The following MYBL1 variants were observed in gnomAD, a reference collection of about 807,000 sequenced individuals.
MYBL1 encodes MYB proto-oncogene like 1.
A neutral mutation model predicts 96.3 loss-of-function variants in MYBL1; 17 were observed. The observed-to-expected ratio is 0.18, with a 90% CI of 0.12 to 0.26. The LOEUF (loss-of-function observed/expected upper bound fraction) is 0.26. Ranked by LOEUF, MYBL1 falls within the 10% of genes least tolerant of loss-of-function variation. MYBL1 has a pLI of 1.00. For missense variants in MYBL1, 701 were observed against 882.9 expected (o/e 0.79, Z 2.61); for synonymous variants, 282 against 292.7 (o/e 0.96, Z 0.37).
chr8:66,566,582 C>T (rs1808511948), intron 14 of MYBL1, 102 bp downstream of exon 14: 6 of 709,992 alleles, frequency 8.5e-6, no homozygotes, highest in Non-Finnish European at 1.3e-5. Context: ...AAAAATTCTC[C>T]ATGAATTTCT....
At chr8:66,597,255 G>C in intron 5 of MYBL1, 75 bp downstream of exon 5, 1 of 1,060,196 alleles carries the variant, frequency 9.4e-7, no homozygotes, top group African/African-American at 1.6e-5. Context: ...TCGGGGACTT[G>C]CAAATGTATT....
intron 3 of MYBL1, among the ~76,000 whole-genome samples, chr8:66,601,132 GTGCCAT>G (rs1221137257): frequency 1.4e-5 from 2 of 140,978 alleles, no homozygotes; most frequent in East Asian, 4.2e-4. Flanking sequence ...AGCCGAGATC[GTGCCAT>G]TGCCCTCCAG....
intron 3 of MYBL1, 68 bp downstream of exon 3, chr8:66,601,630 A>C (rs898651762): frequency 1.1e-6 from 1 of 917,974 alleles, no homozygotes; most frequent in Non-Finnish European, 1.7e-6. Context: ...ACATTTTTGA[A>C]AAATAGCAAA....
At chr8:66,570,315 T>TC (rs1808676817) in intron 12 of MYBL1, among the ~76,000 whole-genome samples, 1 of 151,210 alleles carries the variant, frequency 6.6e-6, no homozygotes, top group East Asian at 1.9e-4. Flanking sequence ...TTTTTGTCTT[T>TC]TTTTTTTTTT....
intron 9 of MYBL1, among the ~76,000 whole-genome samples, chr8:66,579,296 C>T (rs1809104881): frequency 6.6e-6 from 1 of 151,214 alleles, no homozygotes; most frequent in Admixed American, 6.6e-5. Context: ...ACCTAAATGT[C>T]CAATAATAAT....
Position 66,566,714 on chromosome 8 carries a change from T to C in MYBL1, c.1920A>G (p.Gln640=). 5 of 1,607,096 alleles carry C rather than the reference T, an allele frequency of 3.1e-6. No individual in the cohort carries two copies. The highest frequency in any genetic ancestry group is 4.3e-6 in the Non-Finnish European group (5 of 1,175,040). The part of the protein sequence containing the change: ...DNWEKEESGT[Q]LLTEDISDMQ... ...TGTCTGAAATGTCTTCAGTCAACAG[T>C]TGAGTGCCTGATTCTTCTTTTTCCC... The change falls in exon 14 of 16, where the codon CAA becomes CAG. Residue 640 remains glutamine (Q), a synonymous_variant. Transcript: ENST00000522677.
chr8:66,597,375 C>T lies in MYBL1; in HGVS notation c.467G>A (p.Arg156Gln), dbSNP rs553029296. ...EDRIIYEAHKRLGNRWAEIAK... is the reference protein window; with the variant it reads ...EDRIIYEAHKQLGNRWAEIAK... The stretch of plus-strand genomic sequence containing the variant: ...AATTTCTGCCCAACGATTTCCCAAC[C>T]GCTTATGTGCTTCATAGATGATCCT... The change falls in exon 5 of 16, where the codon CGG (arginine) becomes CAG (glutamine). Residue 156 changes from arginine to glutamine, a missense_variant. Transcript: ENST00000522677. 11 of 1,610,018 alleles carry T rather than the reference C, an allele frequency of 6.8e-6. No homozygotes were observed. The highest frequency in any genetic ancestry group is 5.3e-5 in the African/African-American group (4 of 74,972).
At chr8:66,573,770 C>A (rs1376499994) in intron 10 of MYBL1, among the ~76,000 whole-genome samples, 5 of 150,826 alleles carry the variant, frequency 3.3e-5, no homozygotes, top group African/African-American at 1.2e-4. Flanking sequence ...TCAAAAGTTA[C>A]AAAAAAAATA....
intron 12 of MYBL1, among the ~76,000 whole-genome samples, chr8:66,571,696 C>G (rs1808734683): frequency 6.6e-6 from 1 of 151,810 alleles, no homozygotes; most frequent in South Asian, 2.1e-4. Context: ...TCCTGGCCAA[C>G]ATGGTGAAAC....
At chr8:66,608,910 G>A (rs184204231) in intron 1 of MYBL1, among the ~76,000 whole-genome samples, 9 of 152,126 alleles carry the variant, frequency 5.9e-5, no homozygotes, top group Admixed American at 2.0e-4. Flanking sequence ...CCCAGGACTC[G>A]GTTTCCAGAA....
At chr8:66,605,041 A>T (rs1586601402) in intron 1 of MYBL1, among the ~76,000 whole-genome samples, 1 of 152,228 alleles carries the variant, frequency 6.6e-6, no homozygotes, top group African/African-American at 2.4e-5. Flanking sequence ...TAGTAGCCAC[A>T]TTTTTTAAAA....
rs201613801 is a variant in MYBL1, at chr8:66,591,360, T to A, written c.867+1080A>T. ...AAACTCTGTCTCAAAAAAAAAAAAA[T>A]TTTTTTTTAATTTAAAAACCTAAGA... On this transcript the variant is annotated intron_variant, in intron 8 of 15. Transcript: ENST00000522677. Among the ~76,000 whole-genome samples, 51 of 145,894 alleles carry A rather than the reference T, an allele frequency of 3.5e-4. 1 individual carries two copies. The highest frequency in any genetic ancestry group is 6.1e-4 in the African/African-American group (25 of 40,920).
intron 8 of MYBL1, among the ~76,000 whole-genome samples, chr8:66,586,075 C>T (rs1318061101): frequency 2.1e-5 from 3 of 141,472 alleles, no homozygotes; most frequent in Admixed American, 7.1e-5. Flanking sequence ...AGATAAGGTC[C>T]GGCTCTGTTG....
At chr8:66,580,730 C>G (rs900160306) in intron 8 of MYBL1, among the ~76,000 whole-genome samples, 25 of 152,110 alleles carry the variant, frequency 1.6e-4, no homozygotes, top group Admixed American at 2.6e-4. Flanking sequence ...TCAGAAATAC[C>G]CAACTATAGC....
chr8:66,573,178 C>T (rs915691283), intron 11 of MYBL1, among the ~76,000 whole-genome samples, 186 bp downstream of exon 11: 9 of 152,176 alleles, frequency 5.9e-5, no homozygotes, highest in Admixed American at 5.9e-4. Flanking sequence ...CTCACCATTG[C>T]ATTCCAGCCT....
intron 8 of MYBL1, among the ~76,000 whole-genome samples, chr8:66,584,590 G>A (rs1809339846): frequency 1.3e-5 from 2 of 152,128 alleles, no homozygotes; most frequent in South Asian, 4.1e-4. Flanking sequence ...TGGGCATGGT[G>A]GCTCACGCCT....
intron 1 of MYBL1, among the ~76,000 whole-genome samples, chr8:66,603,432 T>A (rs1374447585): frequency 2.0e-5 from 3 of 150,182 alleles, no homozygotes; most frequent in Non-Finnish European, 4.4e-5. Context: ...GTACAGTAAG[T>A]GACAAGACAC....
chr8:66,604,117 T>C (rs1398532579), intron 1 of MYBL1, among the ~76,000 whole-genome samples: 1 of 152,114 alleles, frequency 6.6e-6, no homozygotes, highest in Non-Finnish European at 1.5e-5. Flanking sequence ...ACAGAACATT[T>C]AGAAAAGAAA....
chr8:66,599,470 A>G (rs1809980151), intron 3 of MYBL1, among the ~76,000 whole-genome samples: 1 of 152,210 alleles, frequency 6.6e-6, no homozygotes, highest in Non-Finnish European at 1.5e-5. Flanking sequence ...TGAGGAATAA[A>G]AAGCAGTGGA....
Sources: allele counts gnomAD v4.1 joint callset (sites outside exome capture counted in the v4.1 genomes callset), GRCh38; gene constraint gnomAD v4.1.1; transcripts MANE v1.5; gene names NCBI Gene and HGNC (gene_info 2026-07-23, HGNC 2026-07-21).